The following RASGRF2 variants were observed in gnomAD, a reference collection of about 807,000 sequenced individuals.
The protein encoded by RASGRF2 is Ras protein specific guanine nucleotide releasing factor 2, also known as ras-specific guanine nucleotide-releasing factor 2.
A neutral mutation model predicts 151.0 loss-of-function variants in RASGRF2; 76 were observed. That is an observed-to-expected ratio of 0.50 (90% confidence interval 0.42 to 0.61). RASGRF2 has a LOEUF of 0.61. Among genes scored for constraint, RASGRF2 ranks in the 20% least tolerant of loss-of-function variants. The pLI is 0.00. For synonymous variants in RASGRF2, 504 were observed against 566.5 expected (o/e 0.89, Z 1.57); for missense variants, 1,148 against 1,564.6 (o/e 0.73, Z 4.49).
At chr5:80,991,698 A>G (rs1445761673) in intron 1 of RASGRF2, among the ~76,000 whole-genome samples, 2 of 152,224 alleles carry the variant, frequency 1.3e-5, no homozygotes, top group African/African-American at 4.8e-5. Flanking sequence ...TATTGAATGC[A>G]TTTCCAAGAT....
At chr5:81,131,709 C>A (rs1753625287) in intron 17 of RASGRF2, among the ~76,000 whole-genome samples, 2 of 151,900 alleles carry the variant, frequency 1.3e-5, no homozygotes, top group African/African-American at 4.8e-5. Context: ...AGATCTAGAG[C>A]CTTCCCTTCC....
In RASGRF2 at chr5:80,983,675, G is replaced by A. The variant is rs538204999; in HGVS notation, c.288+22649G>A. Among the ~76,000 whole-genome samples, 12 of 152,324 alleles carry A rather than the reference G, an allele frequency of 7.9e-5. No homozygotes were observed. In the South Asian group the frequency reaches 1.2e-3, roughly 16 times the overall value. ...GTTCATTATGGTAGCCACTAGCCAC[G>A]TGTGGCTTTTGAGCACTTGAAATGT... On this transcript the variant is annotated intron_variant, in intron 1 of 26. Coordinates refer to ENST00000265080, the MANE Select transcript of RASGRF2 (RefSeq NM_006909.3).
At chr5:81,197,487 A>AT (rs397998371) in intron 18 of RASGRF2, among the ~76,000 whole-genome samples, 2 of 148,368 alleles carry the variant, frequency 1.3e-5, no homozygotes, top group African/African-American at 4.9e-5. Context: ...AAAAAAAAAA[A>AT]GTAAAATATT....
At chr5:81,118,103 C>T (rs562544287) in intron 15 of RASGRF2, among the ~76,000 whole-genome samples, 1 of 152,324 alleles carries the variant, frequency 6.6e-6, no homozygotes, top group East Asian at 1.9e-4. Flanking sequence ...TGCATGCTGG[C>T]AGTTCTAGGA....
intron 2 of RASGRF2, among the ~76,000 whole-genome samples, chr5:81,046,098 T>G (rs1440851107): frequency 1.3e-5 from 2 of 152,228 alleles, no homozygotes; most frequent in African/African-American, 4.8e-5. Flanking sequence ...TCAAAACTTT[T>G]GATTAGTTTA....
chr5:81,000,770 A>ATCTCTACACGTCAGCCACT, intron 1 of RASGRF2, among the ~76,000 whole-genome samples: 1 of 152,218 alleles, frequency 6.6e-6, no homozygotes, highest in Non-Finnish European at 1.5e-5. Flanking sequence ...TGTCCTATGC[A>ATCTCTACACGTCAGCCACT]TCTCTACACG....
chr5:80,986,114 A>G (rs1162075543), intron 1 of RASGRF2, among the ~76,000 whole-genome samples: 2 of 152,252 alleles, frequency 1.3e-5, no homozygotes, highest in Non-Finnish European at 2.9e-5. Flanking sequence ...TCACATTCAC[A>G]ATATTAAATA....
chr5:80,968,707 G>A (rs1017043718), intron 1 of RASGRF2, among the ~76,000 whole-genome samples: 2 of 152,114 alleles, frequency 1.3e-5, no homozygotes, highest in African/African-American at 2.4e-5. Flanking sequence ...AAATTGAGAC[G>A]GAGTCTTGCT....
chr5:81,013,790 G>A (rs1749545759), intron 1 of RASGRF2, among the ~76,000 whole-genome samples: 1 of 152,028 alleles, frequency 6.6e-6, no homozygotes, highest in Non-Finnish European at 1.5e-5. Context: ...ATGACTCTCT[G>A]CAGTTGGTGT....
At chr5:80,967,364 G>A (rs1282031023) in intron 1 of RASGRF2, among the ~76,000 whole-genome samples, 1 of 151,526 alleles carries the variant, frequency 6.6e-6, no homozygotes, top group Non-Finnish European at 1.5e-5. Flanking sequence ...CTCCAGCCTG[G>A]GCAAAATAAA....
At chr5:81,195,487 C>T (rs1755242993) in intron 18 of RASGRF2, among the ~76,000 whole-genome samples, 1 of 151,722 alleles carries the variant, frequency 6.6e-6, no homozygotes, top group Non-Finnish European at 1.5e-5. Context: ...CTGTATTTTA[C>T]ATGCATTTGT....
intron 5 of RASGRF2, 106 bp downstream of exon 5, chr5:81,073,558 G>T: frequency 1.8e-6 from 2 of 1,132,526 alleles, no homozygotes; most frequent in Non-Finnish European, 2.4e-6. Flanking sequence ...ATCTCTATTA[G>T]TTTATGATAG....
chr5:81,197,137 A>G (rs1210307673), intron 18 of RASGRF2, among the ~76,000 whole-genome samples: 1 of 152,216 alleles, frequency 6.6e-6, no homozygotes, highest in Non-Finnish European at 1.5e-5. Context: ...GTTTCTGAAG[A>G]ATTGGGACTA....
intron 1 of RASGRF2, among the ~76,000 whole-genome samples, chr5:80,993,078 G>C (rs6864321): frequency 2.2e-3 from 330 of 152,280 alleles, no homozygotes; most frequent in African/African-American, 7.7e-3. Flanking sequence ...ATAGTGTTTT[G>C]TGGGGCCATT....
At chr5:81,025,895 C>T (rs1048826011) in intron 1 of RASGRF2, among the ~76,000 whole-genome samples, 4 of 149,302 alleles carry the variant, frequency 2.7e-5, no homozygotes, top group Admixed American at 2.0e-4. Flanking sequence ...TATTTGGTAA[C>T]CTGTTTGTAT....
At position 81,207,277 on chromosome 5, in the gene RASGRF2, CCTTGTCGGCCATGGAGCTGG is replaced by C. The variant is rs1202182150; in HGVS notation, c.3001_3020del (p.Leu1001ArgfsTer29). 1 of 1,614,044 alleles carries C rather than the reference CCTTGTCGGCCATGGAGCTGG, an allele frequency of 6.2e-7. No individual in the cohort carries two copies. The highest frequency in any genetic ancestry group is 8.5e-7 in the Non-Finnish European group (1 of 1,180,044). On this transcript the variant is annotated frameshift_variant, in exon 21 of 27. Coordinates refer to ENST00000265080, the MANE Select transcript of RASGRF2 (RefSeq NM_006909.3). LOFTEE classifies it high-confidence loss of function. ...TGCATGAAGGCCGAATGCTTTGAGT[CCTTGTCGGCCATGGAGCTGG>C]CAGAACAGATCACCCTCCTGGACCA...
intron 1 of RASGRF2, among the ~76,000 whole-genome samples, chr5:81,033,122 A>C (rs1199176308): frequency 2.0e-5 from 3 of 150,956 alleles, no homozygotes; most frequent in Non-Finnish European, 4.4e-5. Context: ...GGAGAACTAC[A>C]AACCACTGCT....
chr5:81,126,131 G>T (rs984545752), intron 16 of RASGRF2, among the ~76,000 whole-genome samples: 4 of 152,228 alleles, frequency 2.6e-5, no homozygotes, highest in African/African-American at 9.6e-5. Context: ...AATCACAGTG[G>T]ACTGTTTTCA....
At chr5:81,177,521 A>G (rs1754802794) in intron 17 of RASGRF2, among the ~76,000 whole-genome samples, 1 of 151,576 alleles carries the variant, frequency 6.6e-6, no homozygotes, top group African/African-American at 2.4e-5. Context: ...GTAAGTTCAT[A>G]CTATGTAGGC....
Sources: gnomAD v4.1 joint callset for allele counts (sites outside exome capture counted in the v4.1 genomes callset) on GRCh38, gnomAD v4.1.1 for gene constraint, MANE v1.5 for transcripts, NCBI Gene and HGNC (gene_info 2026-07-23, HGNC 2026-07-21) for gene names.